PCDHGB4: variants seen among roughly 807,000 people sequenced by gnomAD.
The protein encoded by PCDHGB4 is protocadherin gamma subfamily B, 4, also known as protocadherin gamma-B4.
Under a neutral mutation model 60.5 loss-of-function variants are expected in PCDHGB4, and 38 were observed. That is an observed-to-expected ratio of 0.63 (90% CI 0.48 to 0.82). The LOEUF is 0.82. Among genes scored for constraint, PCDHGB4 ranks in the 40% least tolerant of loss-of-function variants. The probability of loss-of-function intolerance (pLI) is 0.00; values close to 1 mark genes in which losing one functional copy is unlikely to be tolerated. For synonymous variants in PCDHGB4, 456 were observed against 509.7 expected, an observed-to-expected ratio of 0.89 and a Z score of 1.42; for missense variants, 1,109 against 1,209.6, an observed-to-expected ratio of 0.92 and a Z score of 1.23.
chr5:141,407,505 T>TTTTTTTTTTTTTTTTTTTTTTG (rs1460306566), intron 1 of PCDHGB4, among the ~76,000 whole-genome samples: 3 of 152,144 alleles, frequency 2.0e-5, no homozygotes, highest in African/African-American at 4.8e-5. Flanking sequence ...CTGTTTTTCT[T>TTTTTTTTTTTTTTTTTTTTTTG]AGGCTATGTA....
At chr5:141,508,662 T>G (rs2099870759) in intron 3 of PCDHGB4, among the ~76,000 whole-genome samples, 1 of 152,122 alleles carries the variant, frequency 6.6e-6, no homozygotes, top group Non-Finnish European at 1.5e-5. Context: ...CCTGTCATTC[T>G]GTCTCTGCCT....
At position 141,389,201 on chromosome 5, in the gene PCDHGB4, C is replaced by T; in HGVS notation, c.1317C>T (p.His439=). 2 of 1,614,034 alleles carry T rather than the reference C, an allele frequency of 1.2e-6. No individual in the cohort carries two copies. The highest frequency in any genetic ancestry group is 1.7e-6 in the Non-Finnish European group (2 of 1,179,864). ...CCTCCAGTTCCAGCATCACCCTGCA[C>T]ATTGGTGATGTAAATGACAACGCTC... ...PLSSSSSITL[H]IGDVNDNAPV... is the part of the protein sequence containing the mutation. Residue 439 remains histidine (H), a synonymous_variant, in exon 1 of 4, where the codon CAC becomes CAT. Transcript: ENST00000519479.
At position 141,477,213 on chromosome 5, in the gene PCDHGB4, C is replaced by G; in HGVS notation, c.2398-17594C>G. ...TACAGCCCAGTACCCGAGGATGCCC[C>G]TCTGGGGACTGTCATCGCTTTGCTC... is the stretch of plus-strand genomic sequence containing the variant. On this transcript the variant is annotated intron_variant, in intron 1 of 3. Coordinates refer to ENST00000519479, the MANE Select transcript of PCDHGB4 (RefSeq NM_003736.4). The surrounding 1 kb of genome is among the most constrained non-coding windows in gnomAD (Gnocchi z 4.9). 6.2e-7 allele frequency: 1 copy of G among 1,614,184 alleles called. No individual in the cohort carries two copies.
intron 1 of PCDHGB4, chr5:141,413,000 A>G: frequency 1.7e-6 from 1 of 587,734 alleles, no homozygotes; most frequent in Admixed American, 3.6e-5. Context: ...CCGGATTCTC[A>G]GGGCTTCAAC....
rs2091099710 is a variant in PCDHGB4, at chr5:141,387,810, A to G, written c.-75A>G. On this transcript the variant is annotated 5_prime_UTR_variant, in exon 1 of 4. Coordinates refer to ENST00000519479, the MANE Select transcript of PCDHGB4 (RefSeq NM_003736.4). ...GCAACTAAAGTCCGTTCGGAGATCC[A>G]AAAATCTGCAATACAGAGGTTATTT... The G allele has an allele frequency of 6.6e-7, 1 of 1,525,916 alleles. No individual in the cohort carries two copies. The allele number at this position is 1,525,916 out of a possible 1,614,324, so 94.5% of individuals were successfully genotyped here.
At chr5:141,394,235 G>C (rs1444438979) in intron 1 of PCDHGB4, 1 of 1,613,820 alleles carries the variant, frequency 6.2e-7, no homozygotes, top group South Asian at 1.1e-5. Flanking sequence ...TCTTTTCCTT[G>C]ACTGCACACG....
intron 1 of PCDHGB4, among the ~76,000 whole-genome samples, chr5:141,475,778 T>C (rs1204790631): frequency 2.0e-5 from 3 of 152,282 alleles, no homozygotes; most frequent in Non-Finnish European, 4.4e-5. Flanking sequence ...GCGCTTTGGC[T>C]GGAAACTCTG....
In PCDHGB4 at chr5:141,491,832, C is replaced by A; in HGVS notation, c.2398-2975C>A. On this transcript the variant is annotated intron_variant, in intron 1 of 3. Coordinates refer to ENST00000519479, the MANE Select transcript of PCDHGB4 (RefSeq NM_003736.4). The surrounding 1 kb of genome is among the most constrained non-coding windows in gnomAD (Gnocchi z 6.9). ...GTCGCTGGCTGCGCTCCACCCGATT[C>A]TCGGGATCATTGGACCGTTTGCGCG... 6.8e-7 allele frequency: 1 copy of A among 1,474,424 alleles called. No individual in the cohort carries two copies. 91.3% of individuals were successfully genotyped at this position (1,474,424 alleles called of 1,614,324 possible).
rs978480877 is a variant in PCDHGB4, at chr5:141,417,841, G to A, written c.2397+27560G>A. ...CTCCAACTGGAAAAGCGGGGACCCAGCGAGAACCCGAGCGAACGATGGGAG... is the reference window on the plus strand; with the variant it reads ...CTCCAACTGGAAAAGCGGGGACCCAACGAGAACCCGAGCGAACGATGGGAG... On this transcript the variant is annotated intron_variant, in intron 1 of 3. Coordinates refer to ENST00000519479, the MANE Select transcript of PCDHGB4 (RefSeq NM_003736.4). 1.4e-5 allele frequency: 21 copies of A among 1,537,848 alleles called. No homozygotes were observed. In the African/African-American group the frequency reaches 2.6e-4, roughly 19 times the overall value.
At position 141,393,564 on chromosome 5, in the gene PCDHGB4, G is replaced by A; in HGVS notation, c.2397+3283G>A. On this transcript the variant is annotated intron_variant, in intron 1 of 3. Coordinates refer to ENST00000519479, the MANE Select transcript of PCDHGB4 (RefSeq NM_003736.4). ...TCCTCACCCGATTTACCGAGTGAAA[G>A]TCCTTGAGAACATGCCCCCAGGCAC... is the stretch of plus-strand genomic sequence containing the variant. 1 of 1,613,932 alleles carries A rather than the reference G, an allele frequency of 6.2e-7. No individual in the cohort carries two copies. Among genetic ancestry groups the A allele is most frequent in the Non-Finnish European group, 8.5e-7 (1 of 1,179,894 alleles).
At chr5:141,390,414 G>A in intron 1 of PCDHGB4, 133 bp downstream of exon 1, 1 of 1,159,988 alleles carries the variant, frequency 8.6e-7, no homozygotes, top group Non-Finnish European at 1.2e-6. Context: ...GTTGTAGTCA[G>A]TTAAAAAGCT....
Position 141,432,093 on chromosome 5 carries a change from C to G in PCDHGB4, c.2397+41812C>G. On this transcript the variant is annotated intron_variant, in intron 1 of 3. Coordinates refer to ENST00000519479, the MANE Select transcript of PCDHGB4 (RefSeq NM_003736.4). This position sits in a 1 kb window ranked among gnomAD's most constrained non-coding sequence, Gnocchi z 6.0. ...CATATCTCGCTGAACGTGGCAGACA[C>G]CAACGACAACCCGCCGGTCTTCCCT... 1 of 1,614,170 alleles carries G rather than the reference C, an allele frequency of 6.2e-7. No individual in the cohort carries two copies. The highest frequency in any genetic ancestry group is 8.5e-7 in the Non-Finnish European group (1 of 1,180,046).
rs1158003183 is a variant in PCDHGB4, at chr5:141,397,388, G to A, written c.2397+7107G>A. Among the ~76,000 whole-genome samples the A allele has an allele frequency of 3.9e-5, 6 of 152,232 alleles. No individual in the cohort carries two copies. In the East Asian group the frequency reaches 1.2e-3, roughly 29 times the overall value. Reference sequence around the variant, plus strand: ...GATGTTTGGGGATTGGTATAAAATTGCCACAACTTTACAAAATAGTTTTAA... The same window carrying A: ...GATGTTTGGGGATTGGTATAAAATTACCACAACTTTACAAAATAGTTTTAA... On this transcript the variant is annotated intron_variant, in intron 1 of 3. Transcript: ENST00000519479.
At chr5:141,399,010 G>C in intron 1 of PCDHGB4, 1 of 1,613,844 alleles carries the variant, frequency 6.2e-7, no homozygotes, top group Non-Finnish European at 8.5e-7. Flanking sequence ...TTCAAAGAGC[G>C]GAGAAATTAC....
Position 141,485,959 on chromosome 5 carries a change from C to A in PCDHGB4, c.2398-8848C>A, listed in dbSNP as rs758835557. The A allele has an allele frequency of 6.2e-7, 1 of 1,614,160 alleles. No homozygotes were observed. The highest frequency in any genetic ancestry group is 1.3e-5 in the African/African-American group (1 of 75,054). Reference sequence around the variant, plus strand: ...GCGCACCAGCGGGCATGGTGCTCATCCAGCTCAATGCCTCAGACCCGGACC... The same window carrying A: ...GCGCACCAGCGGGCATGGTGCTCATACAGCTCAATGCCTCAGACCCGGACC... On this transcript the variant is annotated intron_variant, in intron 1 of 3. Coordinates refer to ENST00000519479, the MANE Select transcript of PCDHGB4 (RefSeq NM_003736.4). The surrounding 1 kb of genome is among the most constrained non-coding windows in gnomAD (Gnocchi z 5.7).
At chr5:141,429,039 A>G (rs565483195) in intron 1 of PCDHGB4, 1 of 152,202 alleles carries the variant, frequency 6.6e-6, no homozygotes, top group East Asian at 1.9e-4. Flanking sequence ...CATTTTTAGT[A>G]CAGACGGGGT....
intron 1 of PCDHGB4, among the ~76,000 whole-genome samples, chr5:141,455,776 A>G (rs1386162201): frequency 6.6e-6 from 1 of 152,186 alleles, no homozygotes. Context: ...GGGCTTTAAA[A>G]GAAACTTTTC....
chr5:141,408,155 C>T (rs1355335396), intron 1 of PCDHGB4: 2 of 1,511,456 alleles, frequency 1.3e-6, no homozygotes, highest in Non-Finnish European at 1.8e-6. Flanking sequence ...GTAGAGTGCA[C>T]TTTCTCCAAC....
At position 141,490,874 on chromosome 5, in the gene PCDHGB4, A is replaced by T. The variant is rs368927472; in HGVS notation, c.2398-3933A>T. 2 of 1,613,948 alleles carry T rather than the reference A, an allele frequency of 1.2e-6. No homozygotes were observed. Among genetic ancestry groups the T allele is most frequent in the Non-Finnish European group, 1.7e-6 (2 of 1,179,952 alleles). On this transcript the variant is annotated intron_variant, in intron 1 of 3. Transcript: ENST00000519479. The surrounding 1 kb of genome is among the most constrained non-coding windows in gnomAD (Gnocchi z 5.4). The stretch of plus-strand genomic sequence containing the variant: ...CGAGACTCCGGCTCTCCCCCATTGC[A>T]TGCCAACACATCTCTGCATGTGTTT...
Sources: gnomAD v4.1 joint callset for allele counts (sites outside exome capture counted in the v4.1 genomes callset) on GRCh38, gnomAD v4.1.1 for gene constraint, Gnocchi (gnomAD v3.1) non-coding constraint, MANE v1.5 for transcripts, NCBI Gene and HGNC (gene_info 2026-07-23, HGNC 2026-07-21) for gene names.